HM13: variants seen among roughly 807,000 people sequenced by gnomAD.
The protein encoded by HM13 is histocompatibility minor 13.
HM13 carries 18 observed loss-of-function variants against 50.0 expected under a neutral mutation model. The ratio of observed to expected loss-of-function variants is 0.36; its 90% CI spans 0.25 to 0.53. The LOEUF (loss-of-function observed/expected upper bound fraction) is 0.53. HM13 is among the 20% of genes least tolerant of loss of function. HM13 has a pLI of 0.90. For missense variants in HM13, 393 were observed against 552.4 expected (o/e 0.71, Z 2.89); for synonymous variants, 197 against 232.6 (o/e 0.85, Z 1.39).
intron 10 of HM13, among the ~76,000 whole-genome samples, chr20:31,564,808 C>T (rs1220291907): frequency 6.7e-6 from 1 of 148,348 alleles, no homozygotes; most frequent in Non-Finnish European, 1.5e-5. Context: ...CGCACCATTG[C>T]ACTCCAGTCT....
chr20:31,523,050 G>T (rs1169563440), intron 1 of HM13, among the ~76,000 whole-genome samples: 1 of 149,032 alleles, frequency 6.7e-6, no homozygotes, highest in African/African-American at 2.5e-5. Flanking sequence ...TTTTGGGAGG[G>T]GGGCTTTTTT....
rs528499546 is a variant in HM13, at chr20:31,565,994, T to G, written c.949-216T>G. 19 of 440,980 alleles carry G rather than the reference T, an allele frequency of 4.3e-5. No homozygotes were observed. The East Asian group carries it at 7.1e-4, about 16-fold the overall frequency. The allele number at this position is 440,980 out of a possible 1,614,324, so 27.3% of individuals were successfully genotyped here. A position where few individuals can be genotyped will look rare whatever the true frequency, so the allele number is the denominator to read the frequency against. ...CCCTGGGAACCCTTGAAGCCCTGCC[T>G]ACTTGAGTTTCTTAGTTTTCTTGCA... On this transcript the variant is annotated intron_variant, in intron 10 of 12. Coordinates refer to ENST00000398174, the MANE Select transcript of HM13 (RefSeq NM_178581.3).
At chr20:31,568,715 C>G (rs575678337) in intron 12 of HM13, among the ~76,000 whole-genome samples, 11 of 152,350 alleles carry the variant, frequency 7.2e-5, no homozygotes, top group African/African-American at 2.6e-4. Context: ...GCCCTCACCT[C>G]TGGGGCTGAG....
chr20:31,554,549 G>T, intron 7 of HM13, 197 bp from the exon 8 acceptor site: 1 of 525,746 alleles, frequency 1.9e-6, no homozygotes, highest in Non-Finnish European at 3.4e-6. Context: ...GGGTGCGGTG[G>T]TGGGCGCCTG....
At chr20:31,547,949 A>T (rs1241415872) in intron 4 of HM13, 11 of 1,422,138 alleles carry the variant, frequency 7.7e-6, no homozygotes, top group Non-Finnish European at 1.1e-5. Flanking sequence ...GGGGTCATGA[A>T]GATGTCTGCA....
At chr20:31,528,122 T>G (rs1465666179) in intron 2 of HM13, 1 of 152,224 alleles carries the variant, frequency 6.6e-6, no homozygotes, top group Non-Finnish European at 1.5e-5. Flanking sequence ...ATTCAGTTTG[T>G]AGCTGCTTTT....
intron 11 of HM13, among the ~76,000 whole-genome samples, chr20:31,567,229 T>C (rs1183027644): frequency 1.3e-5 from 2 of 152,166 alleles, no homozygotes; most frequent in Non-Finnish European, 2.9e-5. Context: ...CTCAGGGAGC[T>C]TTGGGAGCAG....
chr20:31,519,537 A>G (rs1982020905), intron 1 of HM13, among the ~76,000 whole-genome samples: 1 of 152,142 alleles, frequency 6.6e-6, no homozygotes, highest in South Asian at 2.1e-4. Flanking sequence ...TTAGAATGCT[A>G]GTTCTCTAGT....
intron 8 of HM13, among the ~76,000 whole-genome samples, chr20:31,559,133 G>C (rs188950878): frequency 6.6e-6 from 1 of 152,274 alleles, no homozygotes; most frequent in East Asian, 1.9e-4. Flanking sequence ...GGCCAGGATG[G>C]TCTGGAACTC....
chr20:31,548,347 G>A lies in HM13; in HGVS notation c.455-682G>A, dbSNP rs866212942. The stretch of plus-strand genomic sequence containing the variant: ...CTTCTTAGGAAGCTTGGAAGCAATT[G>A]AGAATGGTCTAACATCAAGATGTCT... On this transcript the variant is annotated intron_variant, in intron 4 of 12. Coordinates refer to ENST00000398174, the MANE Select transcript of HM13 (RefSeq NM_178581.3). 2.3e-5 allele frequency: 7 copies of A among 301,588 alleles called. No homozygotes were observed. The South Asian group carries it at 2.6e-4, about 11-fold the overall frequency. The allele number at this position is 301,588 out of a possible 1,614,324, so 18.7% of individuals were successfully genotyped here.
At chr20:31,520,313 G>A (rs1389994651) in intron 1 of HM13, among the ~76,000 whole-genome samples, 1 of 151,586 alleles carries the variant, frequency 6.6e-6, no homozygotes, top group Non-Finnish European at 1.5e-5. Context: ...TTGTTTGTTT[G>A]TTTGTTCATT....
intron 8 of HM13, among the ~76,000 whole-genome samples, chr20:31,559,101 T>C (rs922163691): frequency 2.6e-5 from 4 of 152,162 alleles, no homozygotes; most frequent in African/African-American, 7.2e-5. Flanking sequence ...GTATTTTTAG[T>C]GAGACGAGGT....
At chr20:31,542,072 G>C (rs1427988889) in intron 3 of HM13, among the ~76,000 whole-genome samples, 1 of 152,262 alleles carries the variant, frequency 6.6e-6, no homozygotes, top group African/African-American at 2.4e-5. Context: ...GAGGCCTGCT[G>C]AAAGGCTGCA....
At chr20:31,524,972 C>T (rs1982403058) in intron 1 of HM13, among the ~76,000 whole-genome samples, 2 of 152,198 alleles carry the variant, frequency 1.3e-5, no homozygotes, top group South Asian at 4.1e-4. Context: ...CTCGGCCTCC[C>T]AAAGTGCTGG....
Position 31,514,872 on chromosome 20 carries a change from C to A in HM13, c.183+138C>A. 1 of 913,522 alleles carries A rather than the reference C, an allele frequency of 1.1e-6. No individual in the cohort carries two copies. The highest frequency in any genetic ancestry group is 1.6e-6 in the Non-Finnish European group (1 of 642,774). 56.6% of individuals were successfully genotyped at this position (913,522 alleles called of 1,614,324 possible). ...CTGATCACCACCGTTCCCTCTGTCT[C>A]GGGCCCACATTCCGGGGCTGGCATT... On this transcript the variant is annotated intron_variant, in intron 1 of 12. Transcript: ENST00000398174. This position sits in a 1 kb window ranked among gnomAD's most constrained non-coding sequence, Gnocchi z 4.3.
Position 31,514,764 on chromosome 20 carries a change from C to G in HM13, c.183+30C>G. 1.3e-6 allele frequency: 2 copies of G among 1,498,600 alleles called. No individual in the cohort carries two copies. Among genetic ancestry groups the G allele is most frequent in the African/African-American group, 2.8e-5 (2 of 72,252 alleles). 92.8% of individuals were successfully genotyped at this position (1,498,600 alleles called of 1,614,324 possible). A position where few individuals can be genotyped will look rare whatever the true frequency, so the allele number is the denominator to read the frequency against. On this transcript the variant is annotated intron_variant, in intron 1 of 12. Coordinates refer to ENST00000398174, the MANE Select transcript of HM13 (RefSeq NM_178581.3). This position sits in a 1 kb window ranked among gnomAD's most constrained non-coding sequence, Gnocchi z 4.3. ...GGTCAGCGGGAAAACCGGGCACTTTCCACCCCCATACCGAACACGGCCGAC... is the reference window on the plus strand; with the variant it reads ...GGTCAGCGGGAAAACCGGGCACTTTGCACCCCCATACCGAACACGGCCGAC...
intron 3 of HM13, among the ~76,000 whole-genome samples, chr20:31,542,345 A>G (rs1348491151): frequency 6.6e-6 from 1 of 152,208 alleles, no homozygotes; most frequent in Non-Finnish European, 1.5e-5. Context: ...TTAGAGGGAA[A>G]AAATGCCCAG....
At position 31,568,015 on chromosome 20, in the gene HM13, G is replaced by A. The variant is rs368027736; in HGVS notation, c.1035-63G>A. ...TCTGCTCCTTGGAAAGGAAGTCTCT[G>A]TCCTCCCTTAGTCTTTCCCTATCCA... On this transcript the variant is annotated intron_variant, in intron 11 of 12. Coordinates refer to ENST00000398174, the MANE Select transcript of HM13 (RefSeq NM_178581.3). 2,440 of 1,379,354 alleles carry A rather than the reference G, an allele frequency of 1.8e-3. 61 individuals carry two copies. The South Asian group carries it at 0.032, about 18-fold the overall frequency. 85.4% of individuals were successfully genotyped at this position (1,379,354 alleles called of 1,614,324 possible). A position where few individuals can be genotyped will look rare whatever the true frequency, so the allele number is the denominator to read the frequency against.
chr20:31,520,231 A>G (rs575680737), intron 1 of HM13, among the ~76,000 whole-genome samples: 2 of 152,208 alleles, frequency 1.3e-5, no homozygotes, highest in East Asian at 1.9e-4. Context: ...CCCACCAGCA[A>G]TGACCTCAAT....
Sources: allele counts gnomAD v4.1 joint callset (sites outside exome capture counted in the v4.1 genomes callset), GRCh38; gene constraint gnomAD v4.1.1; non-coding constraint Gnocchi (gnomAD v3.1); transcripts MANE v1.5; gene names NCBI Gene and HGNC (gene_info 2026-07-23, HGNC 2026-07-21).